Variants in TMEM26 observed in about 807,000 individuals in gnomAD.
TMEM26 encodes the protein transmembrane protein 26.
In TMEM26, 38 loss-of-function variants were observed where a neutral mutation model predicts 28.8. The observed-to-expected ratio is 1.32, with a 90% confidence interval of 1.02 to 1.73. TMEM26 has a LOEUF of 1.73. Among genes scored for constraint, TMEM26 ranks in the 40% most tolerant of loss-of-function variants. TMEM26 has a pLI of 0.00. For missense variants in TMEM26, 518 were observed against 447.1 expected (o/e 1.16, Z -1.43); for synonymous variants, 227 against 182.9 (o/e 1.24, Z -1.95).
chr10:61,415,680 A>C (rs528544912), intron 4 of TMEM26, among the ~76,000 whole-genome samples: 8 of 152,194 alleles, frequency 5.3e-5, no homozygotes, highest in African/African-American at 1.9e-4. Flanking sequence ...TGGACATTAC[A>C]TTATATTATT....
chr10:61,414,584 A>T (rs1839619897), intron 4 of TMEM26: 1 of 152,056 alleles, frequency 6.6e-6, no homozygotes, highest in Non-Finnish European at 1.5e-5. Context: ...TGGTGGAGAC[A>T]AGGTTGGTGA....
At chr10:61,446,817 C>CAAAAAAAAAAAAAAAA (rs34030340) in intron 1 of TMEM26, among the ~76,000 whole-genome samples, 3 of 33,944 alleles carry the variant, frequency 8.8e-5, no homozygotes, top group East Asian at 1.2e-3. Flanking sequence ...GACTCCATCT[C>CAAAAAAAAAAAAAAAA]AAAAAAAAAA....
At chr10:61,436,567 A>T (rs1840012175) in intron 1 of TMEM26, among the ~76,000 whole-genome samples, 1 of 152,220 alleles carries the variant, frequency 6.6e-6, no homozygotes, top group Admixed American at 6.5e-5. Context: ...ACAACACTGG[A>T]TATTTTGTAT....
intron 5 of TMEM26, among the ~76,000 whole-genome samples, chr10:61,412,248 C>CTGTG (rs35301641): frequency 0.017 from 2,552 of 150,382 alleles, 63 homozygotes; most frequent in African/African-American, 0.054. Flanking sequence ...ATGACAAAAT[C>CTGTG]TGTGTGTGTG....
intron 1 of TMEM26, among the ~76,000 whole-genome samples, chr10:61,444,709 A>G (rs777329857): frequency 1.3e-5 from 2 of 152,080 alleles, no homozygotes; most frequent in Non-Finnish European, 2.9e-5. Context: ...ACTACAGAAA[A>G]TCCTTGACCC....
chr10:61,433,601 C>T (rs924091000), intron 2 of TMEM26, among the ~76,000 whole-genome samples: 1 of 152,064 alleles, frequency 6.6e-6, no homozygotes, highest in Non-Finnish European at 1.5e-5. Flanking sequence ...TACATGTACA[C>T]CCAACCAGAT....
chr10:61,452,365 G>T (rs889445492), intron 1 of TMEM26, among the ~76,000 whole-genome samples: 2 of 152,252 alleles, frequency 1.3e-5, no homozygotes, highest in African/African-American at 4.8e-5. Context: ...CGCGCGGCTG[G>T]AGGGAAGGGA....
chr10:61,413,400 T>C (rs1839599725), intron 5 of TMEM26, 59 bp downstream of exon 5: 4 of 1,589,462 alleles, frequency 2.5e-6, no homozygotes, highest in African/African-American at 2.7e-5. Flanking sequence ...AGTTTTAGCA[T>C]AGTTAATAAT....
intron 1 of TMEM26, among the ~76,000 whole-genome samples, chr10:61,437,014 T>C (rs777554967): frequency 2.0e-5 from 3 of 152,258 alleles, no homozygotes; most frequent in Non-Finnish European, 2.9e-5. Flanking sequence ...CAAAATACCA[T>C]AGACTATGTG....
intron 4 of TMEM26, among the ~76,000 whole-genome samples, chr10:61,421,385 A>T (rs569208859): frequency 6.6e-6 from 1 of 152,130 alleles, no homozygotes; most frequent in Admixed American, 6.6e-5. Context: ...ATTAAATATT[A>T]ATGGTCTAAA....
intron 5 of TMEM26, chr10:61,413,034 T>TGGGTCTGAAAA (rs774880880): frequency 3.4e-4 from 397 of 1,160,956 alleles, no homozygotes; most frequent in Admixed American, 7.0e-4. Context: ...TTACAAATAA[T>TGGGTCTGAAAA]AAGAAATAAA....
chr10:61,421,343 G>T (rs1839744039), intron 4 of TMEM26, among the ~76,000 whole-genome samples: 2 of 151,530 alleles, frequency 1.3e-5, no homozygotes, highest in Admixed American at 1.3e-4. Context: ...TAGCAAAATG[G>T]CAGCTGTAAA....
At chr10:61,449,084 C>A (rs190646281) in intron 1 of TMEM26, among the ~76,000 whole-genome samples, 1 of 152,014 alleles carries the variant, frequency 6.6e-6, no homozygotes, top group African/African-American at 2.4e-5. Context: ...AAATCTTAAG[C>A]CAAGTGATAT....
rs74157967 is a variant in TMEM26, at chr10:61,438,429, G to C, written c.192-2181C>G. On this transcript the variant is annotated intron_variant, in intron 1 of 5. Transcript: ENST00000399298. ...GTAGGAATATGCATATTTTGGTTTG[G>C]AGACATGAAATGTTGGCTGGATTGC... Among the ~76,000 whole-genome samples, 1,220 of 152,238 alleles carry C rather than the reference G, an allele frequency of 8.0e-3. 19 individuals carry two copies. Among genetic ancestry groups the C allele is most frequent in the African/African-American group, 0.028 (1,161 of 41,544 alleles).
chr10:61,424,114 G>A (rs1211646605), intron 4 of TMEM26, among the ~76,000 whole-genome samples: 1 of 152,034 alleles, frequency 6.6e-6, no homozygotes, highest in South Asian at 2.1e-4. Flanking sequence ...GAAAAATAAA[G>A]GCATACTGAT....
chr10:61,453,119 G>T lies in TMEM26; in HGVS notation c.-38C>A. The stretch of plus-strand genomic sequence containing the variant: ...ACTCTGCCTACGTCCCCTTGCCTGC[G>T]CCCCCAGGACCCTGCCGGGCGTGCC... On this transcript the variant is annotated 5_prime_UTR_variant, in exon 1 of 6. Coordinates refer to ENST00000399298, the MANE Select transcript of TMEM26 (RefSeq NM_178505.8). The T allele has an allele frequency of 4.4e-6, 7 of 1,595,934 alleles. No individual in the cohort carries two copies. The highest frequency in any genetic ancestry group is 1.1e-5 in the South Asian group (1 of 90,230).
chr10:61,453,230 G>C lies in TMEM26; in HGVS notation c.-149C>G, dbSNP rs947794201. On this transcript the variant is annotated 5_prime_UTR_variant, in exon 1 of 6. Coordinates refer to ENST00000399298, the MANE Select transcript of TMEM26 (RefSeq NM_178505.8). ...CTTCTCACCCTCAGCGCCCGATGCC[G>C]GTAGAACTGGTGCGCGGCTCGCCCC... The C allele has an allele frequency of 1.4e-5, 11 of 772,166 alleles. No homozygotes were observed. Among genetic ancestry groups the C allele is most frequent in the South Asian group, 7.2e-5 (4 of 55,270 alleles). The allele number at this position is 772,166 out of a possible 1,614,324, so 47.8% of individuals were successfully genotyped here. A position where few individuals can be genotyped will look rare whatever the true frequency, so the allele number is the denominator to read the frequency against.
chr10:61,417,060 GTAAA>G (rs1839663420), intron 4 of TMEM26, among the ~76,000 whole-genome samples: 1 of 151,996 alleles, frequency 6.6e-6, no homozygotes. Flanking sequence ...AGATCAGACA[GTAAA>G]AATTCTCAGG....
chr10:61,413,281 C>T (rs539123103), intron 5 of TMEM26, among the ~76,000 whole-genome samples, 178 bp downstream of exon 5: 5 of 152,262 alleles, frequency 3.3e-5, no homozygotes, highest in African/African-American at 1.2e-4. Flanking sequence ...CCGTGTACCA[C>T]AGTGGATCCA....
Sources: allele counts gnomAD v4.1 joint callset (sites outside exome capture counted in the v4.1 genomes callset), GRCh38; gene constraint gnomAD v4.1.1; transcripts MANE v1.5; gene names NCBI Gene and HGNC (gene_info 2026-07-23, HGNC 2026-07-21).